The following OTOG variants were observed in gnomAD, a reference collection of about 807,000 sequenced individuals.
The protein encoded by OTOG is otogelin.
Under a neutral mutation model 313.8 loss-of-function variants are expected in OTOG, and 296 were observed. The observed-to-expected ratio is 0.94, with a 90% CI of 0.86 to 1.04. The LOEUF is 1.04. OTOG is among the 50% of genes least tolerant of loss of function. The pLI, the probability that OTOG is intolerant of heterozygous loss-of-function variation, is 0.00. For missense variants in OTOG, 3,948 were observed against 3,840.1 expected (o/e 1.03, Z -0.74); for synonymous variants, 1,533 against 1,554.9 (o/e 0.99, Z 0.33).
rs720459 is a variant in OTOG, at chr11:17,591,229, C to T, written c.2868-221C>T. On this transcript the variant is annotated intron_variant, in intron 24 of 55. Transcript: ENST00000399397. The stretch of plus-strand genomic sequence containing the variant: ...AAATAGATCTGGGTTAAATGTCAGG[C>T]CCATTATTTATTGGCTGTGTTTCAT... Among the ~76,000 whole-genome samples the T allele has an allele frequency of 0.44, 67,459 of 152,012 alleles. 16,223 individuals are homozygous for T. Among genetic ancestry groups the T allele is most frequent in the African/African-American group, 0.64 (26,611 of 41,460 alleles).
chr11:17,645,680 A>G (rs1848061097), intron 55 of OTOG, 37 bp downstream of exon 55: 4 of 1,550,510 alleles, frequency 2.6e-6, no homozygotes, highest in Non-Finnish European at 3.5e-6. Context: ...GCAGCAAAAA[A>G]TGGGATGGAG....
Position 17,612,244 on chromosome 11 carries a change from AG to A in OTOG, c.6209del (p.Gly2070ValfsTer37), listed in dbSNP as rs1326533469. 1 of 1,548,098 alleles carries A rather than the reference AG, an allele frequency of 6.5e-7. No individual in the cohort carries two copies. The highest frequency in any genetic ancestry group is 2.4e-5 in the East Asian group (1 of 40,906). ...IRVNQSQHCP[Q>X]GAAPPRCGIL... ...GTGAATCAGTCCCAGCACTGTCCCCAGGGTGCTGCTCCCCCTCGCTGTGGGA... is the reference window on the plus strand; with the variant it reads ...GTGAATCAGTCCCAGCACTGTCCCCAGGTGCTGCTCCCCCTCGCTGTGGGA... On this transcript the variant is annotated frameshift_variant, in exon 37 of 56. Coordinates refer to ENST00000399397, the MANE Select transcript of OTOG (RefSeq NM_001292063.2). LOFTEE classifies it high-confidence loss of function.
Position 17,559,549 on chromosome 11 carries a change from A to T in OTOG, c.1229A>T (p.Glu410Val). 3 of 1,550,694 alleles carry T rather than the reference A, an allele frequency of 1.9e-6. No individual in the cohort carries two copies. The highest frequency in any genetic ancestry group is 2.6e-6 in the Non-Finnish European group (3 of 1,147,024). The change falls in exon 12 of 56, where the codon GAG becomes GTG. Residue 410 changes from glutamate (E) to valine (V), a missense_variant. Physicochemically the swap from Glu to Val is moderately radical, Grantham distance 121. Transcript: ENST00000399397. ...CCTTCCCAAGCTGTGCACTGCAAGG[A>T]GAAGGCCTTTACCTACAATGAGTGC... Reference protein sequence around the residue: ...QLRQCTVHCKEKAFTYNECIA... With the variant: ...QLRQCTVHCKVKAFTYNECIA...
Position 17,593,808 on chromosome 11 carries a change from C to T in OTOG, c.3288+52C>T, listed in dbSNP as rs1294861315. On this transcript the variant is annotated intron_variant, in intron 27 of 55. Transcript: ENST00000399397. ...CTCCTGCCTGGGGCTAAGCCAAGCCCTGGGTGTCCTTGGGTGAGCTGTACC... is the reference window on the plus strand; with the variant it reads ...CTCCTGCCTGGGGCTAAGCCAAGCCTTGGGTGTCCTTGGGTGAGCTGTACC... 7 of 1,536,134 alleles carry T rather than the reference C, an allele frequency of 4.6e-6. No homozygotes were observed. In the East Asian group the frequency reaches 1.5e-4, roughly 32 times the overall value.
At chr11:17,599,728 G>A in intron 31 of OTOG, 31 bp downstream of exon 31, 1 of 1,549,232 alleles carries the variant, frequency 6.5e-7, no homozygotes, top group East Asian at 2.4e-5. Context: ...CAGAGTCTCA[G>A]GGGCTCAGGC....
At chr11:17,552,600 G>A (rs953894755) in intron 4 of OTOG, among the ~76,000 whole-genome samples, 3 of 148,594 alleles carry the variant, frequency 2.0e-5, no homozygotes, top group Non-Finnish European at 3.0e-5. Flanking sequence ...CCTGTCCTGT[G>A]TCCCCCACCT....
At chr11:17,563,185 C>T (rs1479245607) in intron 15 of OTOG, among the ~76,000 whole-genome samples, 2 of 152,210 alleles carry the variant, frequency 1.3e-5, no homozygotes, top group African/African-American at 4.8e-5. Context: ...TGTCTCTCAG[C>T]GGAGACTCCG....
At chr11:17,623,848 T>C (rs1289550326) in intron 39 of OTOG, among the ~76,000 whole-genome samples, 1 of 152,228 alleles carries the variant, frequency 6.6e-6, no homozygotes, top group Non-Finnish European at 1.5e-5. Flanking sequence ...TTCTGACTGG[T>C]GTGAGATGGT....
In OTOG at chr11:17,549,172, T is replaced by C. The variant is rs1202515903; in HGVS notation, c.216+960T>C. ...ACTTTCTAATCCTGGCCCGCATTTG[T>C]CTCCCTCTTTCTATAACTACAGATG... On this transcript the variant is annotated intron_variant, in intron 3 of 55. Transcript: ENST00000399397. Among the ~76,000 whole-genome samples the C allele has an allele frequency of 2.6e-5, 4 of 152,188 alleles. No individual in the cohort carries two copies. In the East Asian group the frequency reaches 7.7e-4, roughly 29 times the overall value.
At chr11:17,577,878 G>A (rs1338321563) in intron 22 of OTOG, among the ~76,000 whole-genome samples, 3 of 152,088 alleles carry the variant, frequency 2.0e-5, no homozygotes, top group Non-Finnish European at 4.4e-5. Flanking sequence ...GTGCATTCAT[G>A]TCACAGAAAT....
chr11:17,597,045 G>C (rs1399455554), intron 30 of OTOG, 38 bp downstream of exon 30: 39 of 1,544,518 alleles, frequency 2.5e-5, no homozygotes, highest in Non-Finnish European at 3.1e-5. Flanking sequence ...GGACAGAGTA[G>C]AGTGTCACCT....
chr11:17,603,307 T>C (rs886387274), intron 32 of OTOG, among the ~76,000 whole-genome samples: 1 of 152,044 alleles, frequency 6.6e-6, no homozygotes, highest in African/African-American at 2.4e-5. Flanking sequence ...ACATTTCTGA[T>C]CCCCAGATCC....
intron 12 of OTOG, 86 bp downstream of exon 12, chr11:17,559,748 G>T: frequency 5.2e-6 from 3 of 580,028 alleles, no homozygotes; most frequent in East Asian, 9.2e-5. Context: ...GAAGATACCT[G>T]TTTGTGGAAG....
Position 17,642,165 on chromosome 11 carries a change from C to A in OTOG, c.8334C>A (p.His2778Gln). Residue 2778 changes from histidine (H) to glutamine (Q), a missense_variant, in exon 53 of 56, where the codon CAC (histidine) becomes CAA (glutamine). Transcript: ENST00000399397. The stretch of plus-strand genomic sequence containing the variant: ...GGATCGCAGACTGCGCCCGCCACCA[C>A]TGCAGCAGCACGCCCCTGGGTGCCG... ...ASWIADCARHHCSSTPLGAVL... is the reference protein window; with the variant it reads ...ASWIADCARHQCSSTPLGAVL... 6.5e-7 allele frequency: 1 copy of A among 1,550,154 alleles called. No homozygotes were observed. The highest frequency in any genetic ancestry group is 2.4e-5 in the East Asian group (1 of 40,910).
chr11:17,620,218 C>T (rs1162887203), intron 39 of OTOG, among the ~76,000 whole-genome samples: 1 of 152,138 alleles, frequency 6.6e-6, no homozygotes, highest in Non-Finnish European at 1.5e-5. Context: ...AAAAGGCAAC[C>T]CCATACCCAT....
chr11:17,607,181 G>A (rs936689239), intron 33 of OTOG, among the ~76,000 whole-genome samples: 1 of 152,254 alleles, frequency 6.6e-6, no homozygotes, highest in African/African-American at 2.4e-5. Context: ...CACATAGTAG[G>A]TGCTCCCCAA....
chr11:17,629,384 C>T (rs1346953713), intron 40 of OTOG, 68 bp downstream of exon 40: 1 of 1,448,896 alleles, frequency 6.9e-7, no homozygotes, highest in Non-Finnish European at 9.2e-7. Flanking sequence ...ACACATAATT[C>T]CTCCTGGAGC....
intron 54 of OTOG, among the ~76,000 whole-genome samples, chr11:17,644,951 G>C (rs550701656): frequency 6.6e-6 from 1 of 152,174 alleles, no homozygotes; most frequent in Non-Finnish European, 1.5e-5. Flanking sequence ...GTGAGGGCGT[G>C]AATGAGCCAC....
At chr11:17,642,314 GA>G in intron 53 of OTOG, 68 bp downstream of exon 53, 2 of 1,496,042 alleles carry the variant, frequency 1.3e-6, no homozygotes, top group South Asian at 2.6e-5. Flanking sequence ...TGGTGGGGTG[GA>G]GGTCCTGTGT....
Sources: gnomAD v4.1 joint callset for allele counts (sites outside exome capture counted in the v4.1 genomes callset) on GRCh38, gnomAD v4.1.1 for gene constraint, MANE v1.5 for transcripts, NCBI Gene and HGNC (gene_info 2026-07-23, HGNC 2026-07-21) for gene names.